GALNT15: variants seen among roughly 807,000 people sequenced by gnomAD.
GALNT15 encodes UDP-GalNAc transferase T15.
Under a neutral mutation model 66.8 loss-of-function variants are expected in GALNT15, and 67 were observed. The observed-to-expected ratio is 1.00, with a 90% confidence interval of 0.82 to 1.23. The LOEUF is 1.23. Ranked by LOEUF, GALNT15 falls within the 50% of genes most tolerant of loss-of-function variation. GALNT15 has a pLI of 0.00. For missense variants in GALNT15, 827 were observed against 804.3 expected, an observed-to-expected ratio of 1.03 and a Z score of -0.34; for synonymous variants, 313 against 311.5, an observed-to-expected ratio of 1.00 and a Z score of -0.05.
chr3:16,176,112 C>G lies in GALNT15; in HGVS notation c.539+422C>G, dbSNP rs1026681143. ...ACATTTGCCAGTTCTAACACTCTGA[C>G]TCCACTACATTTTGATTTTAGGGTT... On this transcript the variant is annotated intron_variant, in intron 1 of 9. Transcript: ENST00000339732. The surrounding 1 kb of genome is among the most constrained non-coding windows in gnomAD (Gnocchi z 5.6). 6.6e-6 allele frequency among the ~76,000 whole-genome samples: 1 copy of G among 152,214 alleles called. No individual in the cohort carries two copies. The highest frequency in any genetic ancestry group is 1.5e-5 in the Non-Finnish European group (1 of 68,046).
chr3:16,227,946 G>C lies in GALNT15; in HGVS notation c.*446G>C, dbSNP rs552272977. ...ATTAAAGAGTGAAGCAGATGTAATGGCCTGACATTCCAAAAACTCTGAATT... is the reference window on the plus strand; with the variant it reads ...ATTAAAGAGTGAAGCAGATGTAATGCCCTGACATTCCAAAAACTCTGAATT... On this transcript the variant is annotated 3_prime_UTR_variant, in exon 10 of 10. Coordinates refer to ENST00000339732, the MANE Select transcript of GALNT15 (RefSeq NM_054110.5). This position sits in a 1 kb window ranked among gnomAD's most constrained non-coding sequence, Gnocchi z 4.5. The C allele has an allele frequency of 5.0e-6, 5 of 995,450 alleles. No individual in the cohort carries two copies. The East Asian group carries it at 5.5e-4, about 110-fold the overall frequency. The allele number at this position is 995,450 out of a possible 1,614,324, so 61.7% of individuals were successfully genotyped here.
rs2063787946 is a variant in GALNT15, at chr3:16,209,295, A to G, written c.1079+625A>G. Among the ~76,000 whole-genome samples the G allele has an allele frequency of 6.6e-6, 1 of 152,218 alleles. No homozygotes were observed. Among genetic ancestry groups the G allele is most frequent in the Non-Finnish European group, 1.5e-5 (1 of 68,038 alleles). On this transcript the variant is annotated intron_variant, in intron 4 of 9. Transcript: ENST00000339732. This position sits in a 1 kb window ranked among gnomAD's most constrained non-coding sequence, Gnocchi z 4.1. ...TGGGATATGAATTCTGAAAGGACAC[A>G]GTGGGGTTGGTTGTCTGCCCCCATG...
chr3:16,219,457 C>T lies in GALNT15; in HGVS notation c.1447C>T (p.Arg483Trp), dbSNP rs771574370. 1.9e-5 allele frequency: 31 copies of T among 1,614,062 alleles called. No individual in the cohort carries two copies. Among genetic ancestry groups the T allele is most frequent in the East Asian group, 4.5e-5 (2 of 44,892 alleles). ...RLQLQRRLGC[R>W]TFHWFLANVY... ...GCAGCTGCAAAGGAGACTGGGTTGTCGGACATTCCACTGGTTTCTGGCTAA... is the reference window on the plus strand; with the variant it reads ...GCAGCTGCAAAGGAGACTGGGTTGTTGGACATTCCACTGGTTTCTGGCTAA... The change falls in exon 7 of 10, where the codon CGG (arginine) becomes TGG (tryptophan). Residue 483 changes from arginine to tryptophan, a missense_variant. By Grantham distance (101) the Arg-to-Trp change is moderately radical. Coordinates refer to ENST00000339732, the MANE Select transcript of GALNT15 (RefSeq NM_054110.5). This position sits in a 1 kb window ranked among gnomAD's most constrained non-coding sequence, Gnocchi z 4.3.
intron 1 of GALNT15, among the ~76,000 whole-genome samples, chr3:16,190,804 C>T (rs573346777): frequency 1.6e-4 from 25 of 152,266 alleles, no homozygotes; most frequent in African/African-American, 5.8e-4. Context: ...AGGCTGGGTC[C>T]GCTCAGCTGC....
chr3:16,226,368 A>G (rs1290447965), intron 9 of GALNT15, among the ~76,000 whole-genome samples: 2 of 152,072 alleles, frequency 1.3e-5, no homozygotes, highest in African/African-American at 4.8e-5. Context: ...TCACACTGCT[A>G]TAAAGACATA....
intron 4 of GALNT15, 70 bp downstream of exon 4, chr3:16,208,740 G>C (rs951060000): frequency 1.4e-6 from 2 of 1,406,772 alleles, no homozygotes; most frequent in African/African-American, 1.4e-5. Context: ...GCCTGCCTGG[G>C]GTCTAATCCT....
Position 16,186,397 on chromosome 3 carries a change from A to G in GALNT15, c.540-9363A>G, listed in dbSNP as rs2063516721. On this transcript the variant is annotated intron_variant, in intron 1 of 9. Coordinates refer to ENST00000339732, the MANE Select transcript of GALNT15 (RefSeq NM_054110.5). The surrounding 1 kb of genome is among the most constrained non-coding windows in gnomAD (Gnocchi z 5.1). ...CAGTTTGGCAGTTCCCCAACATGTT[A>G]AACATGGAGCTATCATATGGCCAGT... Among the ~76,000 whole-genome samples the G allele has an allele frequency of 6.6e-6, 1 of 152,246 alleles. No homozygotes were observed. Among genetic ancestry groups the G allele is most frequent in the African/African-American group, 2.4e-5 (1 of 41,464 alleles).
chr3:16,210,009 T>C (rs12637952), intron 4 of GALNT15, among the ~76,000 whole-genome samples: 21,203 of 152,256 alleles, frequency 0.14, 1,619 homozygotes, highest in East Asian at 0.22. Flanking sequence ...ATGTGTGGTA[T>C]ACGATGTATG....
chr3:16,231,313 T>C (rs1401650467), downstream of GALNT15, among the ~76,000 whole-genome samples: 1 of 151,986 alleles, frequency 6.6e-6, no homozygotes, highest in Non-Finnish European at 1.5e-5. This position sits in a 1 kb window ranked among gnomAD's most constrained non-coding sequence, Gnocchi z 4.1. Flanking sequence ...TTCTAGAACT[T>C]AAAGTAAAAT....
At chr3:16,233,962 C>T (rs754861014), downstream of GALNT15, among the ~76,000 whole-genome samples, 6 of 152,122 alleles carry the variant, frequency 3.9e-5, no homozygotes, top group Non-Finnish European at 7.3e-5. Flanking sequence ...GGGGTTCTGG[C>T]AGGCAGATTA....
At chr3:16,239,704 C>T in the GALNT15 span, among the ~76,000 whole-genome samples, 1 of 152,204 alleles carries the variant, frequency 6.6e-6, no homozygotes, top group Non-Finnish European at 1.5e-5. This position sits in a 1 kb window ranked among gnomAD's most constrained non-coding sequence, Gnocchi z 5.2. Context: ...ACCAATAGAA[C>T]TCTTTCACTT....
chr3:16,180,950 AG>A lies in GALNT15; in HGVS notation c.539+5261del, dbSNP rs2063463966. On this transcript the variant is annotated intron_variant, in intron 1 of 9. Coordinates refer to ENST00000339732, the MANE Select transcript of GALNT15 (RefSeq NM_054110.5). The surrounding 1 kb of genome is among the most constrained non-coding windows in gnomAD (Gnocchi z 5.0). Reference sequence around the variant, plus strand: ...AAGTCACTCAACCTCTCTGAGCCTCAGTTCCTCAACTGTAAAATGGGATAAT... The same window carrying A: ...AAGTCACTCAACCTCTCTGAGCCTCATTCCTCAACTGTAAAATGGGATAAT... 6.6e-6 allele frequency among the ~76,000 whole-genome samples: 1 copy of A among 152,232 alleles called. No individual in the cohort carries two copies. The highest frequency in any genetic ancestry group is 2.4e-5 in the African/African-American group (1 of 41,462).
At position 16,188,591 on chromosome 3, in the gene GALNT15, T is replaced by G. The variant is rs2063541713; in HGVS notation, c.540-7169T>G. Among the ~76,000 whole-genome samples the G allele has an allele frequency of 6.6e-6, 1 of 152,168 alleles. No homozygotes were observed. Among genetic ancestry groups the G allele is most frequent in the South Asian group, 2.1e-4 (1 of 4,824 alleles). On this transcript the variant is annotated intron_variant, in intron 1 of 9. Transcript: ENST00000339732. The surrounding 1 kb of genome is among the most constrained non-coding windows in gnomAD (Gnocchi z 4.6). Reference sequence around the variant, plus strand: ...TTTGAGCTTATGCTCCCTTCAAACCTGAACAAAGGGGTTGGAGCACTAGGA... The same window carrying G: ...TTTGAGCTTATGCTCCCTTCAAACCGGAACAAAGGGGTTGGAGCACTAGGA...
the GALNT15 span, among the ~76,000 whole-genome samples, chr3:16,237,039 A>G: frequency 6.6e-6 from 1 of 152,232 alleles, no homozygotes; most frequent in African/African-American, 2.4e-5. The surrounding 1 kb of genome is among the most constrained non-coding windows in gnomAD (Gnocchi z 4.2). Flanking sequence ...AGGGCAAAGC[A>G]CACGCTCCCG....
chr3:16,215,906 C>CAAAAAAAAAAAAACAAAAAAAAAA (rs2063866817), intron 6 of GALNT15, among the ~76,000 whole-genome samples: 1 of 102,634 alleles, frequency 9.7e-6, no homozygotes, highest in Non-Finnish European at 2.0e-5. Context: ...GAGACTCCGC[C>CAAAAAAAAAAAAACAAAAAAAAAA]AAAAAAAAAA....
rs1420869776 is a variant in GALNT15 at position 16,229,923 on chromosome 3, A to G, written c.*2423A>G. 6.6e-6 allele frequency among the ~76,000 whole-genome samples: 1 copy of G among 152,216 alleles called. No homozygotes were observed. ...CTGGTATTTACAGACCCTTAATTTA[A>G]GTAAAACAGATGCCTCCATTTAGTT... On this transcript the variant is annotated 3_prime_UTR_variant, in exon 10 of 10. Coordinates refer to ENST00000339732, the MANE Select transcript of GALNT15 (RefSeq NM_054110.5).
At chr3:16,210,794 G>A (rs1335156643) in intron 4 of GALNT15, among the ~76,000 whole-genome samples, 1 of 152,146 alleles carries the variant, frequency 6.6e-6, no homozygotes, top group Non-Finnish European at 1.5e-5. Context: ...CTGATTTTAA[G>A]CAAGGCCTTC....
Position 16,183,230 on chromosome 3 carries a change from A to T in GALNT15, c.539+7540A>T, listed in dbSNP as rs939219834. On this transcript the variant is annotated intron_variant, in intron 1 of 9. Coordinates refer to ENST00000339732, the MANE Select transcript of GALNT15 (RefSeq NM_054110.5). This position sits in a 1 kb window ranked among gnomAD's most constrained non-coding sequence, Gnocchi z 5.2. ...TGTGACGTCTGTCCACTGATGGAGA[A>T]TGACAGGCTGGCAGAATCAGCCTCC... 6.6e-6 allele frequency: 1 copy of T among 152,274 alleles called. No individual in the cohort carries two copies. Among genetic ancestry groups the T allele is most frequent in the African/African-American group, 2.4e-5 (1 of 41,460 alleles). 9.4% of individuals were successfully genotyped at this position (152,274 alleles called of 1,614,324 possible).
rs367733376 is a variant in GALNT15, at chr3:16,222,974, G to C, written c.1773+216G>C. On this transcript the variant is annotated intron_variant, in intron 9 of 9. Transcript: ENST00000339732. ...CATCTTCATATGTAATGATTTGCCA[G>C]GTCTCTGTGTAGCTCTGATGCTTGT... is the stretch of plus-strand genomic sequence containing the variant. Among the ~76,000 whole-genome samples, 12 of 152,328 alleles carry C rather than the reference G, an allele frequency of 7.9e-5. No individual in the cohort carries two copies. The South Asian group carries it at 2.3e-3, about 29-fold the overall frequency.
Sources: allele counts gnomAD v4.1 joint callset (sites outside exome capture counted in the v4.1 genomes callset), GRCh38; gene constraint gnomAD v4.1.1; non-coding constraint Gnocchi (gnomAD v3.1); transcripts MANE v1.5; gene names NCBI Gene and HGNC (gene_info 2026-07-23, HGNC 2026-07-21).